SETBP1: variants seen among roughly 807,000 people sequenced by gnomAD.
SETBP1 encodes the protein SET-binding protein.
In SETBP1, 9 loss-of-function variants were observed where a neutral mutation model predicts 101.0. That is an observed-to-expected ratio of 0.09 (90% confidence interval 0.05 to 0.16). SETBP1 has a LOEUF of 0.16. Ranked by LOEUF, SETBP1 falls within the 10% of genes least tolerant of loss-of-function variation. The pLI, the probability that SETBP1 is intolerant of heterozygous loss-of-function variation, is 1.00. For synonymous variants in SETBP1, 818 were observed against 788.5 expected, an observed-to-expected ratio of 1.04 and a Z score of -0.63; for missense variants, 1,858 against 2,033.8, an observed-to-expected ratio of 0.91 and a Z score of 1.66.
intron 2 of SETBP1, among the ~76,000 whole-genome samples, chr18:44,751,033 G>A (rs2070369949): frequency 6.6e-6 from 1 of 152,146 alleles, no homozygotes; most frequent in Admixed American, 6.5e-5. Flanking sequence ...ACAAGGGTCA[G>A]CCTGGTATTT....
At chr18:44,863,728 C>T (rs1432819780) in intron 2 of SETBP1, among the ~76,000 whole-genome samples, 3 of 152,160 alleles carry the variant, frequency 2.0e-5, no homozygotes, top group Non-Finnish European at 1.5e-5. Context: ...CATTTGTTCT[C>T]GCCAAAGCCA....
intron 2 of SETBP1, among the ~76,000 whole-genome samples, chr18:44,807,240 C>A (rs2071765063): frequency 1.3e-5 from 2 of 152,094 alleles, no homozygotes; most frequent in Non-Finnish European, 1.5e-5. Flanking sequence ...TAGTTTATTT[C>A]TTGGTTGTAT....
intron 5 of SETBP1, among the ~76,000 whole-genome samples, 191 bp downstream of exon 5, chr18:45,038,846 G>T (rs1418735764): frequency 6.6e-6 from 1 of 152,146 alleles, no homozygotes; most frequent in African/African-American, 2.4e-5. Flanking sequence ...AGATCTCCTG[G>T]GAATGTGGAG....
At chr18:44,907,076 A>G (rs776338523) in intron 3 of SETBP1, among the ~76,000 whole-genome samples, 1 of 152,112 alleles carries the variant, frequency 6.6e-6, no homozygotes, top group Non-Finnish European at 1.5e-5. Context: ...GTTCCCATAC[A>G]TTTGCCTTTT....
At chr18:44,727,186 C>CTGTGTGTGTGTG (rs56695366) in intron 2 of SETBP1, among the ~76,000 whole-genome samples, 23,659 of 144,904 alleles carry the variant, frequency 0.16, 1,903 homozygotes, top group South Asian at 0.21. Flanking sequence ...TATTTGATCA[C>CTGTGTGTGTGTG]TGTGTGTGTG....
chr18:44,841,560 T>C (rs956619047), intron 2 of SETBP1, among the ~76,000 whole-genome samples: 4 of 152,242 alleles, frequency 2.6e-5, no homozygotes, highest in African/African-American at 9.6e-5. Flanking sequence ...CAAACTCATG[T>C]GACTCCATGT....
intron 2 of SETBP1, among the ~76,000 whole-genome samples, chr18:44,771,169 G>T (rs11872638): frequency 0.83 from 125,135 of 151,252 alleles, 51,837 homozygotes; most frequent in Admixed American, 0.87. Flanking sequence ...ATCTACTGAT[G>T]CAGAACTTCT....
intron 2 of SETBP1, among the ~76,000 whole-genome samples, chr18:44,717,070 G>T (rs1308382842): frequency 6.6e-6 from 1 of 152,154 alleles, no homozygotes; most frequent in Admixed American, 6.6e-5. Flanking sequence ...CTCAAATGTG[G>T]CATAGAGAGC....
At chr18:44,910,647 C>A (rs599512) in intron 3 of SETBP1, among the ~76,000 whole-genome samples, 2 of 152,192 alleles carry the variant, frequency 1.3e-5, no homozygotes, top group African/African-American at 4.8e-5. Context: ...CAACCCTTTT[C>A]TTCCCCCAGA....
At chr18:44,740,452 C>T (rs1002580965) in intron 2 of SETBP1, among the ~76,000 whole-genome samples, 1 of 152,182 alleles carries the variant, frequency 6.6e-6, no homozygotes, top group Non-Finnish European at 1.5e-5. Flanking sequence ...TCCTGCCCAA[C>T]TTGCCTCAAG....
At position 45,005,945 on chromosome 18, in the gene SETBP1, C is replaced by CTTT. The variant is rs1032603185; in HGVS notation, c.4001-32516_4001-32514dup. 1.1e-4 allele frequency among the ~76,000 whole-genome samples: 11 copies of CTTT among 103,170 alleles called. 1 individual carries two copies. The highest frequency in any genetic ancestry group is 3.2e-4 in the African/African-American group (8 of 24,838). The allele number at this position is 103,170 out of a possible 152,430, so 67.7% of individuals were successfully genotyped here. A position where few individuals can be genotyped will look rare whatever the true frequency, so the allele number is the denominator to read the frequency against. On this transcript the variant is annotated intron_variant, in intron 4 of 5. Transcript: ENST00000649279. Reference sequence around the variant, plus strand: ...ACAGGTGTGAGCCACTGCACCCGGCCTTTTTTTTTTTTTTTTTTTTTTTTT... The same window carrying CTTT: ...ACAGGTGTGAGCCACTGCACCCGGCCTTTTTTTTTTTTTTTTTTTTTTTTTTTT...
chr18:44,836,798 G>T (rs541022224), intron 2 of SETBP1, among the ~76,000 whole-genome samples: 3 of 152,268 alleles, frequency 2.0e-5, no homozygotes, highest in African/African-American at 7.2e-5. Flanking sequence ...GCAACAGTTT[G>T]GTTTTGCTGT....
intron 2 of SETBP1, 97 bp from the exon 3 acceptor site, chr18:44,869,133 T>C: frequency 9.2e-7 from 1 of 1,090,288 alleles, no homozygotes; most frequent in Non-Finnish European, 1.4e-6. Context: ...GTAGCTCTCA[T>C]CCAGGCTATG....
At chr18:44,930,001 C>T (rs999739860) in intron 3 of SETBP1, among the ~76,000 whole-genome samples, 2 of 152,210 alleles carry the variant, frequency 1.3e-5, no homozygotes, top group African/African-American at 4.8e-5. Flanking sequence ...AGAGGGCATC[C>T]TTGTCTTGTG....
At chr18:45,062,994 G>A (rs1393367001) in intron 5 of SETBP1, 85 bp from the exon 6 acceptor site, 17 of 1,577,604 alleles carry the variant, frequency 1.1e-5, no homozygotes, top group Non-Finnish European at 1.5e-5. Flanking sequence ...TTATAGCCAA[G>A]TAGAATGCTA....
intron 5 of SETBP1, among the ~76,000 whole-genome samples, chr18:45,062,839 T>G (rs1191643734): frequency 2.6e-5 from 4 of 152,146 alleles, no homozygotes; most frequent in African/African-American, 9.7e-5. Flanking sequence ...CACATAATTG[T>G]TGGGAGGACT....
chr18:44,911,036 C>T (rs2070296410), intron 3 of SETBP1, among the ~76,000 whole-genome samples: 1 of 152,114 alleles, frequency 6.6e-6, no homozygotes, highest in South Asian at 2.1e-4. Flanking sequence ...GTAACACAGG[C>T]TGTAATTTCT....
upstream of SETBP1, among the ~76,000 whole-genome samples, chr18:44,680,632 G>T (rs2068743460): frequency 6.6e-6 from 1 of 152,198 alleles, no homozygotes; most frequent in Admixed American, 6.5e-5. Context: ...CGGGCCGGCG[G>T]GTGGGCGGCG....
Position 44,952,818 on chromosome 18 carries a change from G to A in SETBP1, c.3478G>A (p.Glu1160Lys). 1.2e-6 allele frequency: 2 copies of A among 1,614,088 alleles called. No individual in the cohort carries two copies. The highest frequency in any genetic ancestry group is 1.7e-6 in the Non-Finnish European group (2 of 1,180,042). The change falls in exon 4 of 6, where the codon GAA becomes AAA. Residue 1160 changes from glutamate (E) to lysine (K), a missense_variant. Glu to Lys is a moderately conservative substitution (Grantham distance 56). Around this residue, in one of 12 missense-constraint regions of SETBP1, gnomAD observed 417 missense variants for 389.1 expected, o/e 1.07. Transcript: ENST00000649279. The stretch of plus-strand genomic sequence containing the variant: ...ACACAAACACAAGCATAAGCACAAG[G>A]AAGACCGGATCCTAGGGACCCATGA... ...RKHKHKHKHK[E>K]DRILGTHDNL... is the part of the protein sequence containing the mutation.
Sources: gnomAD v4.1 joint callset for allele counts (sites outside exome capture counted in the v4.1 genomes callset) on GRCh38, gnomAD v4.1.1 for gene constraint, gnomAD v4.1.1 regional missense constraint, MANE v1.5 for transcripts, NCBI Gene and HGNC (gene_info 2026-07-23, HGNC 2026-07-21) for gene names.